FSTL4: variants seen among roughly 807,000 people sequenced by gnomAD.
FSTL4 encodes follistatin-related protein 4.
A neutral mutation model predicts 78.2 loss-of-function variants in FSTL4; 28 were observed. The observed-to-expected ratio is 0.36, with a 90% CI of 0.27 to 0.49. The LOEUF (loss-of-function observed/expected upper bound fraction) is 0.49, where lower values mean the gene tolerates loss of function less well. Ranked by LOEUF, FSTL4 falls within the 20% of genes least tolerant of loss-of-function variation. The pLI, the probability that FSTL4 is intolerant of heterozygous loss-of-function variation, is 0.98. For missense variants in FSTL4, 922 were observed against 1,084.9 expected (o/e 0.85, Z 2.11); for synonymous variants, 422 against 440.5 (o/e 0.96, Z 0.53).
chr5:133,732,293 T>G, the FSTL4 span, among the ~76,000 whole-genome samples: 1 of 152,146 alleles, frequency 6.6e-6, no homozygotes. Flanking sequence ...GGGCCTGCAC[T>G]GTGGGCCCCG....
intron 11 of FSTL4, among the ~76,000 whole-genome samples, chr5:133,221,891 GTTTTTT>G (rs59400068): frequency 6.0e-4 from 26 of 43,356 alleles, no homozygotes; most frequent in South Asian, 1.1e-3. Context: ...CTCTTTTCTA[GTTTTTT>G]TTTTTTTTTT....
chr5:133,556,084 C>T (rs966427256), intron 3 of FSTL4, among the ~76,000 whole-genome samples: 2 of 152,148 alleles, frequency 1.3e-5, no homozygotes, highest in Non-Finnish European at 2.9e-5. Flanking sequence ...TCTGACTCTG[C>T]AGGCATGCTG....
intron 3 of FSTL4, among the ~76,000 whole-genome samples, chr5:133,503,525 G>C (rs917471465): frequency 1.3e-5 from 2 of 152,138 alleles, no homozygotes; most frequent in Non-Finnish European, 2.9e-5. Context: ...GAGACAAGGA[G>C]ACTCAGCCTC....
intron 6 of FSTL4, among the ~76,000 whole-genome samples, chr5:133,273,997 C>T (rs1003853630): frequency 4.6e-5 from 7 of 152,194 alleles, no homozygotes; most frequent in African/African-American, 1.7e-4. Flanking sequence ...ATTTACTCTC[C>T]TTGGGGAACA....
chr5:133,568,346 C>T (rs758040508), intron 2 of FSTL4, among the ~76,000 whole-genome samples: 6 of 152,132 alleles, frequency 3.9e-5, no homozygotes, highest in East Asian at 3.8e-4. Flanking sequence ...ACCTCAACAC[C>T]GCAGCCAAGA....
the FSTL4 span, among the ~76,000 whole-genome samples, chr5:133,778,972 G>A: frequency 6.6e-6 from 1 of 152,190 alleles, no homozygotes; most frequent in East Asian, 1.9e-4. Flanking sequence ...GGGCTTCCTG[G>A]GTTCAGAGGA....
intron 3 of FSTL4, among the ~76,000 whole-genome samples, chr5:133,447,360 T>C (rs1244322192): frequency 2.0e-5 from 3 of 152,234 alleles, no homozygotes; most frequent in African/African-American, 7.2e-5. Context: ...TGAATCAGAA[T>C]AGTACCTGAT....
chr5:133,833,799 A>G, the FSTL4 span, among the ~76,000 whole-genome samples: 1 of 152,214 alleles, frequency 6.6e-6, no homozygotes, highest in Non-Finnish European at 1.5e-5. Context: ...GAGTTGGAAA[A>G]ATAATATTTA....
chr5:133,400,898 C>A lies in FSTL4; in HGVS notation c.249G>T (p.Gly83=). 1 of 1,613,850 alleles carries A rather than the reference C, an allele frequency of 6.2e-7. No homozygotes were observed. Among genetic ancestry groups the A allele is most frequent in the African/African-American group, 1.3e-5 (1 of 75,070 alleles). ...CCTCCAGGCACTGGCATTCGGGCTC[C>A]CCTGTCTTCCTGCTGAGCACGCACC... ...GSRCVLSRKT[G]EPECQCLEAC... The change falls in exon 4 of 16, where the codon GGG becomes GGT. Residue 83 remains glycine (G), a synonymous_variant. Transcript: ENST00000265342.
chr5:133,266,910 C>T (rs1228690585), intron 6 of FSTL4, among the ~76,000 whole-genome samples: 4 of 152,170 alleles, frequency 2.6e-5, no homozygotes, highest in South Asian at 4.1e-4. Context: ...AGGGTCCTGA[C>T]GTTTCTGGAT....
At chr5:133,344,476 A>C (rs1754654849) in intron 4 of FSTL4, among the ~76,000 whole-genome samples, 1 of 152,218 alleles carries the variant, frequency 6.6e-6, no homozygotes, top group South Asian at 2.1e-4. Context: ...GGGAGATGTC[A>C]GCCCAGGTGA....
the FSTL4 span, among the ~76,000 whole-genome samples, chr5:133,635,143 G>A: frequency 6.6e-6 from 1 of 151,970 alleles, no homozygotes; most frequent in African/African-American, 2.4e-5. Flanking sequence ...GGAGTGGAAA[G>A]CAGGCCCCTG....
At chr5:133,825,822 G>A in the FSTL4 span, among the ~76,000 whole-genome samples, 108 of 152,320 alleles carry the variant, frequency 7.1e-4, no homozygotes, top group African/African-American at 2.4e-3. Flanking sequence ...TCTGATTACC[G>A]TCAGAGCTGC....
the FSTL4 span, among the ~76,000 whole-genome samples, chr5:133,788,641 A>T: frequency 2.6e-5 from 4 of 152,214 alleles, no homozygotes; most frequent in African/African-American, 9.7e-5. Context: ...CGGCAAACAC[A>T]ACACCTCCGT....
chr5:133,204,181 G>A (rs1750419121), intron 14 of FSTL4, among the ~76,000 whole-genome samples: 1 of 152,204 alleles, frequency 6.6e-6, no homozygotes, highest in African/African-American at 2.4e-5. Flanking sequence ...GGACAGGCTG[G>A]GAGGCAGCTA....
chr5:133,515,813 C>T (rs552646722), intron 3 of FSTL4, among the ~76,000 whole-genome samples: 81 of 151,642 alleles, frequency 5.3e-4, no homozygotes, highest in African/African-American at 1.9e-3. Flanking sequence ...AACCAAATGA[C>T]AAAAAAGCAA....
chr5:133,363,479 A>T (rs1755114596), intron 4 of FSTL4, among the ~76,000 whole-genome samples: 1 of 152,092 alleles, frequency 6.6e-6, no homozygotes, highest in African/African-American at 2.4e-5. Flanking sequence ...CTTGGTCACT[A>T]ACAGGAAGGT....
At chr5:133,686,479 T>A in the FSTL4 span, among the ~76,000 whole-genome samples, 28 of 152,360 alleles carry the variant, frequency 1.8e-4, no homozygotes, top group East Asian at 3.5e-3. Context: ...ATCCTTTGGA[T>A]AGTTCATTTT....
At chr5:133,210,332 G>T in intron 13 of FSTL4, 34 bp from the exon 14 acceptor site, 1 of 1,227,202 alleles carries the variant, frequency 8.1e-7, no homozygotes, top group Non-Finnish European at 1.2e-6. Flanking sequence ...TGTGAAAGCT[G>T]ACATGATGGT....
Sources: gnomAD v4.1 joint callset for allele counts (sites outside exome capture counted in the v4.1 genomes callset) on GRCh38, gnomAD v4.1.1 for gene constraint, MANE v1.5 for transcripts, NCBI Gene and HGNC (gene_info 2026-07-23, HGNC 2026-07-21) for gene names.